Variants in NALF1 observed in about 807,000 individuals in gnomAD.
The protein encoded by NALF1 is NALCN channel auxiliary factor 1, also known as family with sequence similarity 155 member A.
NALF1 carries 3 observed loss-of-function variants against 48.4 expected under a neutral mutation model. The observed-to-expected ratio is 0.06, with a 90% CI of 0.03 to 0.16. The LOEUF (loss-of-function observed/expected upper bound fraction) is 0.16. Ranked by LOEUF, NALF1 falls within the 10% of genes least tolerant of loss-of-function variation. NALF1 has a pLI of 1.00. For missense variants in NALF1, 526 were observed against 571.5 expected (o/e 0.92, Z 0.81); for synonymous variants, 262 against 245.7 (o/e 1.07, Z -0.62).
At chr13:107,832,241 T>C (rs944250043) in intron 1 of NALF1, among the ~76,000 whole-genome samples, 1 of 151,774 alleles carries the variant, frequency 6.6e-6, no homozygotes, top group African/African-American at 2.4e-5. Context: ...TTATCATTAA[T>C]ATAATATTTA....
At position 107,503,121 on chromosome 13, in the gene NALF1, TTCATAGGAACTTCAGCCAGGCCAGC is replaced by T. The variant is rs1270068850; in HGVS notation, c.916-292391_916-292367del. On this transcript the variant is annotated intron_variant, in intron 1 of 2. Transcript: ENST00000375915. ...GAGGCAAGCCATCTCCAGGCTTAGA[TTCATAGGAACTTCAGCCAGGCCAGC>T]TCATTCATTCAGTTTTCCTGCCCAG... is the stretch of plus-strand genomic sequence containing the variant. Among the ~76,000 whole-genome samples, 3 of 152,294 alleles carry T rather than the reference TTCATAGGAACTTCAGCCAGGCCAGC, an allele frequency of 2.0e-5. No individual in the cohort carries two copies. The East Asian group carries it at 5.8e-4, about 29-fold the overall frequency.
intron 1 of NALF1, among the ~76,000 whole-genome samples, chr13:107,477,119 C>G (rs184067134): frequency 5.3e-4 from 81 of 152,160 alleles, no homozygotes; most frequent in African/African-American, 1.9e-3. Flanking sequence ...CTTGAACTTT[C>G]AATAACTTAC....
chr13:107,224,772 A>G (rs1025035600), intron 1 of NALF1, among the ~76,000 whole-genome samples: 1 of 152,284 alleles, frequency 6.6e-6, no homozygotes, highest in East Asian at 1.9e-4. Flanking sequence ...GCACTTTTTA[A>G]TACACAAATC....
chr13:107,710,743 T>A (rs567416943), intron 1 of NALF1, among the ~76,000 whole-genome samples: 1 of 148,014 alleles, frequency 6.8e-6, no homozygotes, highest in Non-Finnish European at 1.5e-5. Flanking sequence ...TATATATACA[T>A]ATCATATATA....
chr13:107,438,585 C>A (rs1323499024), intron 1 of NALF1, among the ~76,000 whole-genome samples: 4 of 151,736 alleles, frequency 2.6e-5, no homozygotes, highest in African/African-American at 9.7e-5. Context: ...GGGAGGATCA[C>A]CAGGTCAGGA....
chr13:107,186,363 C>CTATT lies in NALF1; in HGVS notation c.1088-15581_1088-15578dup, dbSNP rs540185577. On this transcript the variant is annotated intron_variant, in intron 2 of 2. Coordinates refer to ENST00000375915, the MANE Select transcript of NALF1 (RefSeq NM_001080396.3). Reference sequence around the variant, plus strand: ...GGTTTCAACACCACTTGCATATTTTCTATTTATTTATTTATTTATTTTTGA... The same window carrying CTATT: ...GGTTTCAACACCACTTGCATATTTTCTATTTATTTATTTATTTATTTATTTTTGA... 2.1e-3 allele frequency among the ~76,000 whole-genome samples: 314 copies of CTATT among 152,050 alleles called. 1 individual carries two copies. Among genetic ancestry groups the CTATT allele is most frequent in the Non-Finnish European group, 3.3e-3 (223 of 67,974 alleles).
chr13:107,235,135 A>G (rs1880315191), intron 1 of NALF1, among the ~76,000 whole-genome samples: 1 of 152,116 alleles, frequency 6.6e-6, no homozygotes, highest in Non-Finnish European at 1.5e-5. Context: ...GCACCACAAC[A>G]CCATTCATCG....
chr13:107,866,629 C>A lies in NALF1; in HGVS notation c.-33G>T. Reference sequence around the variant, plus strand: ...GAACGCACAGCCCTGGCCGACTCCACCGTGAGGGCGCCTGTGCCGGTGTCA... The same window carrying A: ...GAACGCACAGCCCTGGCCGACTCCAACGTGAGGGCGCCTGTGCCGGTGTCA... On this transcript the variant is annotated 5_prime_UTR_variant, in exon 1 of 3. Coordinates refer to ENST00000375915, the MANE Select transcript of NALF1 (RefSeq NM_001080396.3). This position sits in a 1 kb window ranked among gnomAD's most constrained non-coding sequence, Gnocchi z 4.4. 6.4e-7 allele frequency: 1 copy of A among 1,560,500 alleles called. No individual in the cohort carries two copies. The highest frequency in any genetic ancestry group is 2.2e-5 in the East Asian group (1 of 44,636).
At chr13:107,246,388 G>A (rs1029442214) in intron 1 of NALF1, among the ~76,000 whole-genome samples, 1 of 148,970 alleles carries the variant, frequency 6.7e-6, no homozygotes, top group Admixed American at 6.8e-5. Context: ...GATAGACTTA[G>A]ACTCCTGCTA....
chr13:107,715,208 C>CTT (rs796996242), intron 1 of NALF1, among the ~76,000 whole-genome samples: 12 of 146,484 alleles, frequency 8.2e-5, no homozygotes, highest in African/African-American at 2.7e-4. Flanking sequence ...CTCTCTCTTT[C>CTT]TTTTTTTTTT....
intron 1 of NALF1, among the ~76,000 whole-genome samples, chr13:107,397,785 A>G (rs1883736937): frequency 6.6e-6 from 1 of 152,156 alleles, no homozygotes; most frequent in East Asian, 1.9e-4. Context: ...AGTGGTCATT[A>G]AAAGGAGGGG....
At chr13:107,706,996 C>T (rs1463839269) in intron 1 of NALF1, among the ~76,000 whole-genome samples, 1 of 133,984 alleles carries the variant, frequency 7.5e-6, no homozygotes, top group Non-Finnish European at 1.5e-5. Flanking sequence ...GATCTCGGCT[C>T]ACTGCAAGCT....
intron 1 of NALF1, among the ~76,000 whole-genome samples, chr13:107,708,449 C>A (rs990847618): frequency 2.0e-5 from 3 of 152,122 alleles, no homozygotes; most frequent in African/African-American, 7.2e-5. Flanking sequence ...AGGTCACAGT[C>A]TTTGCCTTCA....
chr13:107,788,751 A>G (rs1486880071), intron 1 of NALF1: 1 of 152,170 alleles, frequency 6.6e-6, no homozygotes, highest in Non-Finnish European at 1.5e-5. Context: ...TATATCTGCC[A>G]ATCAATGAAC....
At chr13:107,307,352 A>C (rs1881955917) in intron 1 of NALF1, among the ~76,000 whole-genome samples, 1 of 152,188 alleles carries the variant, frequency 6.6e-6, no homozygotes, top group African/African-American at 2.4e-5. Context: ...GTTATAGTTT[A>C]ATTGACTACC....
Position 107,316,041 on chromosome 13 carries a change from T to TC in NALF1, c.916-105287dup, listed in dbSNP as rs1159460714. Reference sequence around the variant, plus strand: ...TAGGTATATCTCCTAATGCTATCCCTCCCCTCTTCCCCCACCCCACAACAG... The same window carrying TC: ...TAGGTATATCTCCTAATGCTATCCCTCCCCCTCTTCCCCCACCCCACAACAG... On this transcript the variant is annotated intron_variant, in intron 1 of 2. Transcript: ENST00000375915. Among the ~76,000 whole-genome samples the TC allele has an allele frequency of 1.2e-4, 19 of 152,092 alleles. No homozygotes were observed. The East Asian group carries it at 3.5e-3, about 28-fold the overall frequency.
intron 1 of NALF1, among the ~76,000 whole-genome samples, chr13:107,705,756 A>G (rs921607972): frequency 5.9e-5 from 9 of 152,192 alleles, no homozygotes; most frequent in Non-Finnish European, 2.9e-5. Flanking sequence ...GGACAAAACA[A>G]AAACAATTAT....
At chr13:107,341,348 G>T (rs184632943) in intron 1 of NALF1, among the ~76,000 whole-genome samples, 6 of 152,138 alleles carry the variant, frequency 3.9e-5, no homozygotes, top group Non-Finnish European at 8.8e-5. Context: ...CAAAGTAACC[G>T]AAATACCCTG....
At chr13:107,528,850 G>A (rs2139104889) in intron 1 of NALF1, among the ~76,000 whole-genome samples, 1 of 152,222 alleles carries the variant, frequency 6.6e-6, no homozygotes, top group Non-Finnish European at 1.5e-5. Flanking sequence ...GAACCAAAGA[G>A]ACCAAATACT....
Sources: allele counts gnomAD v4.1 joint callset (sites outside exome capture counted in the v4.1 genomes callset), GRCh38; gene constraint gnomAD v4.1.1; non-coding constraint Gnocchi (gnomAD v3.1); transcripts MANE v1.5; gene names NCBI Gene and HGNC (gene_info 2026-07-23, HGNC 2026-07-21).